The following MANF variants were observed in gnomAD, a reference collection of about 807,000 sequenced individuals.
MANF encodes the protein mesencephalic astrocyte derived neurotrophic factor.
MANF carries 9 observed loss-of-function variants against 19.1 expected under a neutral mutation model. That is an observed-to-expected ratio of 0.47 (90% confidence interval 0.28 to 0.82). The LOEUF (loss-of-function observed/expected upper bound fraction) is 0.82, where lower values mean the gene tolerates loss of function less well. MANF is among the 40% of genes least tolerant of loss of function. The pLI is 0.10. For missense variants in MANF, 225 were observed against 226.7 expected, an observed-to-expected ratio of 0.99 and a Z score of 0.05; for synonymous variants, 89 against 88.0, an observed-to-expected ratio of 1.01 and a Z score of -0.06.
At position 51,387,723 on chromosome 3, in the gene MANF, C is replaced by T. The variant is rs782276097; in HGVS notation, c.223-14C>T. On this transcript the variant is annotated splice_polypyrimidine_tract_variant and intron_variant, in intron 2 of 3. Transcript: ENST00000528157. ...CAAGCACCTCCTGAAGGCCATTGTCCTTTATTGCTCCAGTGCTACTATATC... is the reference window on the plus strand; with the variant it reads ...CAAGCACCTCCTGAAGGCCATTGTCTTTTATTGCTCCAGTGCTACTATATC... 5.0e-6 allele frequency: 8 copies of T among 1,608,784 alleles called. No homozygotes were observed. The South Asian group carries it at 6.7e-5, about 13-fold the overall frequency.
chr3:51,386,103 T>C (rs2088956752), intron 1 of MANF, 105 bp from the exon 2 acceptor site: 2 of 1,246,674 alleles, frequency 1.6e-6, no homozygotes, highest in African/African-American at 1.5e-5. Flanking sequence ...TCACCTCTAA[T>C]GATTCATCTC....
At chr3:51,385,544 G>C (rs1553620766) in intron 1 of MANF, 108 bp downstream of exon 1, 1 of 561,218 alleles carries the variant, frequency 1.8e-6, no homozygotes, top group African/African-American at 1.9e-5. Context: ...GGCGGGGGCG[G>C]GGGCGGGGGC....
At chr3:51,388,587 T>G (rs1168251109) in intron 3 of MANF, among the ~76,000 whole-genome samples, 2 of 152,220 alleles carry the variant, frequency 1.3e-5, no homozygotes, top group East Asian at 3.9e-4. Context: ...GTTGTTAGTA[T>G]GTGGTGACTA....
chr3:51,389,309 G>C lies in MANF; in HGVS notation c.*220G>C. 2.2e-6 allele frequency: 1 copy of C among 455,176 alleles called. No individual in the cohort carries two copies. Among genetic ancestry groups the C allele is most frequent in the East Asian group, 3.7e-5 (1 of 27,108 alleles). The allele number at this position is 455,176 out of a possible 1,614,324, so 28.2% of individuals were successfully genotyped here. On this transcript the variant is annotated 3_prime_UTR_variant, in exon 4 of 4. Coordinates refer to ENST00000528157, the MANE Select transcript of MANF (RefSeq NM_006010.6). ...CTCTAGGACTTCAAAGTGTGTCTGGGATTTTTTTATTAAAGAAAAAAAATT... is the reference window on the plus strand; with the variant it reads ...CTCTAGGACTTCAAAGTGTGTCTGGCATTTTTTTATTAAAGAAAAAAAATT...
At position 51,389,023 on chromosome 3, in the gene MANF, C is replaced by T. The variant is rs371858457; in HGVS notation, c.483C>T (p.Ile161=). The change falls in exon 4 of 4, where the codon ATC becomes ATT. Residue 161 remains isoleucine, a synonymous_variant. Transcript: ENST00000528157. Reference sequence around the variant, plus strand: ...GCTGTGCAGAAAAGTCTGACTACATCCGGAAGATAAATGAACTGATGCCTA... The same window carrying T: ...GCTGTGCAGAAAAGTCTGACTACATTCGGAAGATAAATGAACTGATGCCTA... The part of the protein sequence containing the change: ...CKGCAEKSDY[I]RKINELMPKY... The T allele has an allele frequency of 3.1e-3, 5,036 of 1,612,148 alleles. 200 individuals are homozygous for T. In the South Asian group the frequency reaches 0.053, roughly 17 times the overall value.
At position 51,387,852 on chromosome 3, in the gene MANF, A is replaced by C; in HGVS notation, c.338A>C (p.Asp113Ala). Reference protein sequence around the residue: ...EKICEKLKKKDSQICELKYDK... With the variant: ...EKICEKLKKKASQICELKYDK... ...ATCTGTGAGAAGCTTAAGAAGAAGG[A>C]CAGCCAGATATGTGAGCTTAAGTAT... The change falls in exon 3 of 4, where the codon GAC becomes GCC. Residue 113 changes from aspartate to alanine, a missense_variant. Physicochemically the swap from Asp to Ala is moderately radical, Grantham distance 126. Transcript: ENST00000528157. The C allele has an allele frequency of 6.2e-7, 1 of 1,613,824 alleles. No homozygotes were observed. Among genetic ancestry groups the C allele is most frequent in the East Asian group, 2.2e-5 (1 of 44,888 alleles).
chr3:51,387,150 C>T (rs1489396960), intron 2 of MANF: 1 of 327,264 alleles, frequency 3.1e-6, no homozygotes, highest in African/African-American at 2.2e-5. Context: ...TGGTGAAATC[C>T]TGTCTGCACA....
At position 51,389,103 on chromosome 3, in the gene MANF, T is replaced by C. The variant is rs782636917; in HGVS notation, c.*14T>C. 6.2e-7 allele frequency: 1 copy of C among 1,604,332 alleles called. No individual in the cohort carries two copies. The highest frequency in any genetic ancestry group is 8.5e-7 in the Non-Finnish European group (1 of 1,176,322). ...ACCGATTTGTAGTCTGCTCAATCTC[T>C]GTTGCACCTGAGGGGGAAAAAACAG... On this transcript the variant is annotated 3_prime_UTR_variant, in exon 4 of 4. Transcript: ENST00000528157.
rs782044810 is a variant in MANF, at chr3:51,386,185, T to G, written c.95-23T>G. The G allele has an allele frequency of 3.7e-6, 6 of 1,612,108 alleles. No homozygotes were observed. In the African/African-American group the frequency reaches 8.0e-5, roughly 22 times the overall value. ...GGAACAGCTTGGTGATTGCTGAGCA[T>G]CTCCCGTCCCTCTCTTTTCCAGTTT... On this transcript the variant is annotated intron_variant, in intron 1 of 3. Transcript: ENST00000528157.
intron 2 of MANF, 87 bp downstream of exon 2, chr3:51,386,422 C>T (rs1553620922): frequency 2.0e-6 from 3 of 1,482,246 alleles, no homozygotes. Flanking sequence ...CCTTGCCCAC[C>T]TCTCTGTTCA....
In MANF at chr3:51,386,259, T is replaced by A. The variant is rs199721651; in HGVS notation, c.146T>A (p.Val49Asp). 44 of 1,613,780 alleles carry A rather than the reference T, an allele frequency of 2.7e-5. No individual in the cohort carries two copies. In the African/African-American group the frequency reaches 5.5e-4, roughly 20 times the overall value. ...TACCAGGACCTCAAAGACAGAGATG[T>A]CACATTCTCACCAGCCACTATTGAA... ...RFYQDLKDRD[V>D]TFSPATIENE... The change falls in exon 2 of 4, where the codon GTC becomes GAC. Residue 49 changes from valine to aspartate, a missense_variant. Transcript: ENST00000528157.
At chr3:51,385,468 G>A in intron 1 of MANF, 32 bp downstream of exon 1, 1 of 1,208,490 alleles carries the variant, frequency 8.3e-7, no homozygotes, top group Non-Finnish European at 1.0e-6. Flanking sequence ...GCCGCGCTCC[G>A]TGACCGTTCT....
Position 51,386,195 on chromosome 3 carries a change from C to T in MANF, c.95-13C>T, listed in dbSNP as rs543849511. On this transcript the variant is annotated splice_polypyrimidine_tract_variant and intron_variant, in intron 1 of 3. Coordinates refer to ENST00000528157, the MANE Select transcript of MANF (RefSeq NM_006010.6). ...GGTGATTGCTGAGCATCTCCCGTCC[C>T]TCTCTTTTCCAGTTTGTATTTCTTA... is the stretch of plus-strand genomic sequence containing the variant. 3.7e-5 allele frequency: 60 copies of T among 1,612,878 alleles called. 1 individual carries two copies. The East Asian group carries it at 1.3e-3, about 35-fold the overall frequency.
Position 51,385,307 on chromosome 3 carries a change from C to A in MANF, c.-36C>A. 8.4e-7 allele frequency: 1 copy of A among 1,184,022 alleles called. No homozygotes were observed. 73.3% of individuals were successfully genotyped at this position (1,184,022 alleles called of 1,614,324 possible). On this transcript the variant is annotated 5_prime_UTR_variant, in exon 1 of 4. Transcript: ENST00000528157. ...GTGCGGTTCAGTCGGTCGGCGGCGG[C>A]AGCGGAGGAGGAGGAGGAGGAGGAG...
chr3:51,387,892 G>A lies in MANF; in HGVS notation c.364+14G>A. The A allele has an allele frequency of 3.7e-6, 6 of 1,612,698 alleles. No homozygotes were observed. The highest frequency in any genetic ancestry group is 4.2e-6 in the Non-Finnish European group (5 of 1,179,078). ...AGCTTAAGTATGGTGAGTATGCCTA[G>A]TCCTTTCTTAATGAATGCTGTGCAC... On this transcript the variant is annotated intron_variant, in intron 3 of 3. Coordinates refer to ENST00000528157, the MANE Select transcript of MANF (RefSeq NM_006010.6).
intron 2 of MANF, chr3:51,387,158 A>G: frequency 3.1e-6 from 1 of 325,716 alleles, no homozygotes; most frequent in East Asian, 8.2e-5. Flanking sequence ...TCCTGTCTGC[A>G]CAAAAAAATT....
In MANF at chr3:51,387,806, C is replaced by T; in HGVS notation, c.292C>T (p.His98Tyr). 1 of 1,613,408 alleles carries T rather than the reference C, an allele frequency of 6.2e-7. No individual in the cohort carries two copies. Among genetic ancestry groups the T allele is most frequent in the Non-Finnish European group, 8.5e-7 (1 of 1,179,574 alleles). ...CAATGAGGTATCAAAGCCTCTGGCC[C>T]ACCACATCCCTGTGGAGAAGATCTG... ...IINEVSKPLA[H>Y]HIPVEKICEK... Residue 98 changes from histidine (H) to tyrosine (Y), a missense_variant, in exon 3 of 4, where the codon CAC becomes TAC. Coordinates refer to ENST00000528157, the MANE Select transcript of MANF (RefSeq NM_006010.6).
chr3:51,386,370 G>T, intron 2 of MANF, 35 bp downstream of exon 2: 1 of 1,612,022 alleles, frequency 6.2e-7, no homozygotes, highest in Non-Finnish European at 8.5e-7. Context: ...ACTGGCCCTG[G>T]CTCATGTTAA....
chr3:51,388,891 G>C lies in MANF; in HGVS notation c.365-14G>C, dbSNP rs782169896. ...CTCCACCCAGTCAGTGACTCTCCCT[G>C]CTCTCTCCTCCAGACAAGCAGATCG... On this transcript the variant is annotated splice_polypyrimidine_tract_variant and intron_variant, in intron 3 of 3. Transcript: ENST00000528157. 1 of 1,551,134 alleles carries C rather than the reference G, an allele frequency of 6.4e-7. No individual in the cohort carries two copies. The highest frequency in any genetic ancestry group is 8.7e-7 in the Non-Finnish European group (1 of 1,148,056).
Sources: allele counts gnomAD v4.1 joint callset (sites outside exome capture counted in the v4.1 genomes callset), GRCh38; gene constraint gnomAD v4.1.1; transcripts MANE v1.5; gene names NCBI Gene and HGNC (gene_info 2026-07-23, HGNC 2026-07-21).